MRPS27: variants seen among roughly 807,000 people sequenced by gnomAD.
The protein encoded by MRPS27 is small ribosomal subunit protein mS27.
A neutral mutation model predicts 48.9 loss-of-function variants in MRPS27; 43 were observed. The observed-to-expected ratio is 0.88, with a 90% CI of 0.69 to 1.13. The LOEUF (loss-of-function observed/expected upper bound fraction) is 1.13, where lower values mean the gene tolerates loss of function less well. MRPS27 is among the 50% of genes most tolerant of loss of function. The pLI is 0.00. For synonymous variants in MRPS27, 188 were observed against 171.9 expected (o/e 1.09, Z -0.73); for missense variants, 467 against 476.3 (o/e 0.98, Z 0.18).
intron 4 of MRPS27, among the ~76,000 whole-genome samples, chr5:72,287,470 T>C (rs888379704): frequency 2.6e-5 from 4 of 152,108 alleles, no homozygotes; most frequent in South Asian, 2.1e-4. Context: ...TGAAACCCTA[T>C]CTCTACAAAA....
chr5:72,232,058 GA>G (rs1166186614), intron 7 of MRPS27, among the ~76,000 whole-genome samples: 1 of 152,154 alleles, frequency 6.6e-6, no homozygotes, highest in Non-Finnish European at 1.5e-5. Context: ...CTGCCCTAGA[GA>G]AACCTTAGGA....
chr5:72,318,654 A>C (rs1257713674), intron 1 of MRPS27, among the ~76,000 whole-genome samples: 1 of 152,130 alleles, frequency 6.6e-6, no homozygotes, highest in South Asian at 2.1e-4. Flanking sequence ...ATTAGCCGGG[A>C]GTGGTGGCGC....
rs1379158252 is a variant in MRPS27, at chr5:72,232,433, G to C, written c.591+10C>G. 2 of 1,595,344 alleles carry C rather than the reference G, an allele frequency of 1.3e-6. No individual in the cohort carries two copies. The highest frequency in any genetic ancestry group is 2.7e-5 in the African/African-American group (2 of 74,414). ...AAGTTCTTAATACTGCTTTAGGGAA[G>C]ATCACTTACACTGAAGTCTGTCTTC... On this transcript the variant is annotated intron_variant, in intron 7 of 10. Transcript: ENST00000261413.
At chr5:72,246,573 G>A (rs1443917411) in intron 4 of MRPS27, among the ~76,000 whole-genome samples, 1 of 152,210 alleles carries the variant, frequency 6.6e-6, no homozygotes, top group Non-Finnish European at 1.5e-5. Flanking sequence ...AAGAGGCTTT[G>A]AAAGCAACCT....
At chr5:72,275,057 G>C (rs997962088) in intron 4 of MRPS27, among the ~76,000 whole-genome samples, 6 of 152,100 alleles carry the variant, frequency 3.9e-5, no homozygotes, top group South Asian at 2.1e-4. Flanking sequence ...AGAAATAAAG[G>C]GTATTCAAAT....
intron 1 of MRPS27, among the ~76,000 whole-genome samples, chr5:72,315,889 A>G (rs1750552627): frequency 6.6e-6 from 1 of 152,242 alleles, no homozygotes; most frequent in African/African-American, 2.4e-5. Context: ...ACAACCAAGA[A>G]AAATGAAAAC....
At chr5:72,246,982 T>G (rs1039433898) in intron 4 of MRPS27, among the ~76,000 whole-genome samples, 13 of 152,246 alleles carry the variant, frequency 8.5e-5, no homozygotes, top group Admixed American at 8.5e-4. Context: ...AAAAATAAAC[T>G]CAGTGTAAAA....
intron 4 of MRPS27, among the ~76,000 whole-genome samples, chr5:72,280,482 T>C (rs1028292306): frequency 1.4e-4 from 22 of 152,322 alleles, no homozygotes; most frequent in Middle Eastern, 3.4e-3. Flanking sequence ...AAAAAATGTA[T>C]ATTTCATTCT....
At chr5:72,299,313 T>G (rs879813463) in intron 2 of MRPS27, among the ~76,000 whole-genome samples, 4 of 74,740 alleles carry the variant, frequency 5.4e-5, no homozygotes, top group Non-Finnish European at 9.4e-5. Context: ...AAGAAAAAAA[T>G]AAAAGAAAAA....
At chr5:72,263,159 T>C (rs1749026697) in intron 4 of MRPS27, among the ~76,000 whole-genome samples, 1 of 152,174 alleles carries the variant, frequency 6.6e-6, no homozygotes, top group Non-Finnish European at 1.5e-5. Context: ...GATTATTTCT[T>C]AGGGATTTCC....
chr5:72,287,548 A>G (rs2112045218), intron 4 of MRPS27, among the ~76,000 whole-genome samples: 1 of 152,358 alleles, frequency 6.6e-6, no homozygotes, highest in South Asian at 2.1e-4. Context: ...CTGAGGCAGG[A>G]GAATTGCTTG....
intron 4 of MRPS27, among the ~76,000 whole-genome samples, chr5:72,265,548 C>T (rs910770111): frequency 6.6e-6 from 1 of 152,206 alleles, no homozygotes; most frequent in African/African-American, 2.4e-5. Context: ...ATTATATAAA[C>T]AGTCTGGGCT....
chr5:72,237,902 A>G, intron 5 of MRPS27, 112 bp downstream of exon 5: 1 of 707,792 alleles, frequency 1.4e-6, no homozygotes, highest in Non-Finnish European at 2.4e-6. Context: ...TTTGAGGCCA[A>G]ATAATTTTTT....
intron 7 of MRPS27, among the ~76,000 whole-genome samples, chr5:72,229,818 C>T (rs1230733052): frequency 6.6e-6 from 1 of 152,188 alleles, no homozygotes; most frequent in Non-Finnish European, 1.5e-5. Context: ...ACTACTGCTG[C>T]TTATATGAAG....
chr5:72,225,767 G>A (rs1034745963), intron 9 of MRPS27, among the ~76,000 whole-genome samples: 1 of 146,348 alleles, frequency 6.8e-6, no homozygotes. Flanking sequence ...CCTCTCTTGA[G>A]TTCCCACTGA....
At chr5:72,225,818 T>C (rs1451630096) in intron 9 of MRPS27, among the ~76,000 whole-genome samples, 6 of 147,852 alleles carry the variant, frequency 4.1e-5, no homozygotes, top group South Asian at 2.1e-4. Context: ...GACGAGGCAG[T>C]GGAATAGTTT....
chr5:72,258,435 A>G (rs1334965851), intron 4 of MRPS27, among the ~76,000 whole-genome samples: 1 of 152,176 alleles, frequency 6.6e-6, no homozygotes, highest in African/African-American at 2.4e-5. Context: ...CCTTAGAAGA[A>G]ATATAGGCAC....
intron 4 of MRPS27, among the ~76,000 whole-genome samples, chr5:72,263,560 CA>C (rs1269313710): frequency 6.7e-6 from 1 of 149,350 alleles, no homozygotes; most frequent in Non-Finnish European, 1.5e-5. Flanking sequence ...CTCTTAACAA[CA>C]AAAAGACAAC....
chr5:72,283,749 GA>G (rs1749591229), intron 4 of MRPS27, among the ~76,000 whole-genome samples: 1 of 151,380 alleles, frequency 6.6e-6, no homozygotes, highest in Non-Finnish European at 1.5e-5. Flanking sequence ...AAAGGCAAAA[GA>G]AAAACTCACC....
Sources: gnomAD v4.1 joint callset for allele counts (sites outside exome capture counted in the v4.1 genomes callset) on GRCh38, gnomAD v4.1.1 for gene constraint, MANE v1.5 for transcripts, NCBI Gene and HGNC (gene_info 2026-07-23, HGNC 2026-07-21) for gene names.